Variants in KDM4A observed in about 807,000 individuals in gnomAD.
The protein encoded by KDM4A is lysine-specific demethylase 4A.
A neutral mutation model predicts 127.1 loss-of-function variants in KDM4A; 23 were observed. That is an observed-to-expected ratio of 0.18 (90% CI 0.13 to 0.26). The LOEUF (loss-of-function observed/expected upper bound fraction) is 0.26. Ranked by LOEUF, KDM4A falls within the 10% of genes least tolerant of loss-of-function variation. KDM4A has a pLI of 1.00. For synonymous variants in KDM4A, 443 were observed against 466.5 expected (o/e 0.95, Z 0.65); for missense variants, 890 against 1,329.1 (o/e 0.67, Z 5.14).
intron 19 of KDM4A, among the ~76,000 whole-genome samples, chr1:43,701,707 T>G (rs1300621952): frequency 1.3e-5 from 2 of 152,048 alleles, no homozygotes; most frequent in Non-Finnish European, 2.9e-5. Flanking sequence ...AGGCTGGTCT[T>G]GAACTCCTGG....
At chr1:43,668,950 C>G in intron 9 of KDM4A, 150 bp from the exon 10 acceptor site, 2 of 705,204 alleles carry the variant, frequency 2.8e-6, no homozygotes, top group Non-Finnish European at 4.8e-6. Context: ...TCCCTTGTCT[C>G]AAGTCACAAA....
At position 43,704,786 on chromosome 1, in the gene KDM4A, C is replaced by T. The variant is rs113906837; in HGVS notation, c.*416C>T. The T allele has an allele frequency of 2.1e-4, 34 of 160,904 alleles. No homozygotes were observed. Among genetic ancestry groups the T allele is most frequent in the South Asian group, 3.2e-4 (2 of 6,238 alleles). 10.0% of individuals were successfully genotyped at this position (160,904 alleles called of 1,614,324 possible). On this transcript the variant is annotated 3_prime_UTR_variant, in exon 22 of 22. Transcript: ENST00000372396. Reference sequence around the variant, plus strand: ...GTATTTATATGTGTGTGTGTGTGTGCGTGCGTGCGTGCGTGCGTGTATGTT... The same window carrying T: ...GTATTTATATGTGTGTGTGTGTGTGTGTGCGTGCGTGCGTGCGTGTATGTT...
chr1:43,689,006 A>G lies in KDM4A; in HGVS notation c.1948A>G (p.Asn650Asp). ...CCAACTGTGGCAGAACCGACCTCCA[A>G]ACTTTGAGGCTGAGAAGGAATTCAA... ...LSQLWQNRPP[N>D]FEAEKEFNET... The change falls in exon 13 of 22, where the codon AAC becomes GAC. Residue 650 changes from asparagine to aspartate, a missense_variant. Asn to Asp is a conservative substitution (Grantham distance 23, BLOSUM62 1). Coordinates refer to ENST00000372396, the MANE Select transcript of KDM4A (RefSeq NM_014663.3). 1 of 1,614,216 alleles carries G rather than the reference A, an allele frequency of 6.2e-7. No individual in the cohort carries two copies. The highest frequency in any genetic ancestry group is 2.2e-5 in the East Asian group (1 of 44,884).
intron 19 of KDM4A, among the ~76,000 whole-genome samples, chr1:43,699,582 T>C (rs1661332368): frequency 6.6e-6 from 1 of 152,230 alleles, no homozygotes; most frequent in South Asian, 2.1e-4. Flanking sequence ...TTCTCTGGGT[T>C]ACATCTAAAC....
chr1:43,687,357 T>C (rs1661011048), intron 12 of KDM4A, among the ~76,000 whole-genome samples: 1 of 152,214 alleles, frequency 6.6e-6, no homozygotes, highest in Non-Finnish European at 1.5e-5. Flanking sequence ...TTTCCTTGGC[T>C]GCTTGGAACA....
In KDM4A at chr1:43,654,731, GTGTGTGTGT is replaced by G. The variant is rs1469798411; in HGVS notation, c.139-856_139-848del. ...TGTGTGTGTGTGTGTGTGTGTGTGT[GTGTGTGTGT>G]TGTTTTCTCCCTTGTTACATAAAGT... On this transcript the variant is annotated intron_variant, in intron 2 of 21. Transcript: ENST00000372396. 8.5e-4 allele frequency among the ~76,000 whole-genome samples: 64 copies of G among 74,866 alleles called. 1 individual carries two copies. Among genetic ancestry groups the G allele is most frequent in the Non-Finnish European group, 1.9e-3 (53 of 27,440 alleles). The allele number at this position is 74,866 out of a possible 152,430, so 49.1% of individuals were successfully genotyped here. A position where few individuals can be genotyped will look rare whatever the true frequency, so the allele number is the denominator to read the frequency against.
Position 43,694,185 on chromosome 1 carries a change from T to G in KDM4A, c.2484+83T>G. ...AACAGGGACCTCCTGTACCCCTTGG[T>G]TTTGGTTAGAGTTTGTGATTCTCAC... On this transcript the variant is annotated intron_variant, in intron 17 of 21. Coordinates refer to ENST00000372396, the MANE Select transcript of KDM4A (RefSeq NM_014663.3). This position sits in a 1 kb window ranked among gnomAD's most constrained non-coding sequence, Gnocchi z 5.2. 9.0e-7 allele frequency: 1 copy of G among 1,115,288 alleles called. No homozygotes were observed. Among genetic ancestry groups the G allele is most frequent in the Non-Finnish European group, 1.3e-6 (1 of 760,732 alleles). 69.1% of individuals were successfully genotyped at this position (1,115,288 alleles called of 1,614,324 possible).
At chr1:43,651,954 A>C (rs114184703) in intron 1 of KDM4A, among the ~76,000 whole-genome samples, 303 of 152,338 alleles carry the variant, frequency 2.0e-3, no homozygotes, top group Non-Finnish European at 3.8e-3. Flanking sequence ...TACTGCTGAA[A>C]CTGCATCTTA....
At chr1:43,692,585 G>A (rs1323545502) in intron 16 of KDM4A, among the ~76,000 whole-genome samples, 1 of 152,216 alleles carries the variant, frequency 6.6e-6, no homozygotes, top group East Asian at 1.9e-4. Flanking sequence ...ATGAGAATAT[G>A]AAGACGAAGA....
intron 3 of KDM4A, among the ~76,000 whole-genome samples, chr1:43,657,495 C>G (rs1017821473): frequency 6.6e-6 from 1 of 152,136 alleles, no homozygotes; most frequent in African/African-American, 2.4e-5. Context: ...GCCACCGTGC[C>G]CGGCCAACCT....
intron 11 of KDM4A, among the ~76,000 whole-genome samples, chr1:43,676,277 G>A (rs1660739545): frequency 6.6e-6 from 1 of 152,032 alleles, no homozygotes; most frequent in East Asian, 1.9e-4. Context: ...GTGACAGAAT[G>A]ACACAGTATC....
chr1:43,658,070 A>AC (rs1266627155), intron 3 of KDM4A, among the ~76,000 whole-genome samples: 1 of 126,832 alleles, frequency 7.9e-6, no homozygotes, highest in Non-Finnish European at 1.7e-5. Context: ...TAAAAACATA[A>AC]CTTTTTTTTT....
Position 43,704,419 on chromosome 1 carries a change from T to G in KDM4A, c.*49T>G, listed in dbSNP as rs1185115576. On this transcript the variant is annotated 3_prime_UTR_variant, in exon 22 of 22. Transcript: ENST00000372396. Reference sequence around the variant, plus strand: ...CTCAGCCATCCAGGCAAGAGCACTCTGGGTTCCACAGCACAGCAGACATGG... The same window carrying G: ...CTCAGCCATCCAGGCAAGAGCACTCGGGGTTCCACAGCACAGCAGACATGG... 2.5e-6 allele frequency: 4 copies of G among 1,573,226 alleles called. No homozygotes were observed. The highest frequency in any genetic ancestry group is 3.5e-6 in the Non-Finnish European group (4 of 1,157,072).
rs1021230920 is a variant in KDM4A, at chr1:43,694,485, C to T, written c.2485-224C>T. Among the ~76,000 whole-genome samples the T allele has an allele frequency of 2.0e-5, 3 of 149,416 alleles. No homozygotes were observed. The highest frequency in any genetic ancestry group is 7.5e-5 in the African/African-American group (3 of 40,228). ...GAGCCGATATTGTGTCACTGCACTC[C>T]AGCCTGGGTGACAGAGCAAGACTCC... On this transcript the variant is annotated intron_variant, in intron 17 of 21. Coordinates refer to ENST00000372396, the MANE Select transcript of KDM4A (RefSeq NM_014663.3). The surrounding 1 kb of genome is among the most constrained non-coding windows in gnomAD (Gnocchi z 5.2).
At chr1:43,690,130 G>A (rs1430787315) in intron 13 of KDM4A, among the ~76,000 whole-genome samples, 1 of 152,224 alleles carries the variant, frequency 6.6e-6, no homozygotes, top group Non-Finnish European at 1.5e-5. Context: ...GGGACCCTGA[G>A]CCAGGAATCA....
Position 43,688,967 on chromosome 1 carries a change from G to T in KDM4A, c.1909G>T (p.Ala637Ser). Residue 637 changes from alanine (A) to serine (S), a missense_variant, in exon 13 of 22, where the codon GCC becomes TCC. Ala to Ser is a moderately conservative substitution (Grantham distance 99). This residue lies in a region of KDM4A where 389 missense variants were observed against 485.9 expected (regional missense o/e 0.80). Transcript: ENST00000372396. The surrounding 1 kb of genome is among the most constrained non-coding windows in gnomAD (Gnocchi z 4.4). ...AGAGGCTGAGGAGACAGAGGCCTGGGCCAAGCCTCTGAGCCAACTGTGGCA... is the reference window on the plus strand; with the variant it reads ...AGAGGCTGAGGAGACAGAGGCCTGGTCCAAGCCTCTGAGCCAACTGTGGCA... ...EEEAEETEAW[A>S]KPLSQLWQNR... The T allele has an allele frequency of 6.2e-7, 1 of 1,614,166 alleles. No homozygotes were observed. Among genetic ancestry groups the T allele is most frequent in the East Asian group, 2.2e-5 (1 of 44,876 alleles).
intron 12 of KDM4A, among the ~76,000 whole-genome samples, chr1:43,685,534 C>T (rs1263573421): frequency 6.6e-6 from 1 of 151,742 alleles, no homozygotes; most frequent in Admixed American, 6.6e-5. Flanking sequence ...TTTGGGAGGC[C>T]GAGGCGGGTG....
At chr1:43,667,547 A>G (rs1660526817) in intron 8 of KDM4A, among the ~76,000 whole-genome samples, 1 of 152,186 alleles carries the variant, frequency 6.6e-6, no homozygotes, top group Admixed American at 6.5e-5. Context: ...GTTAGTGCCC[A>G]GGTAGATTTG....
chr1:43,703,547 G>C (rs1185806082), intron 19 of KDM4A, 70 bp from the exon 20 acceptor site: 6 of 1,588,040 alleles, frequency 3.8e-6, no homozygotes, highest in Non-Finnish European at 5.2e-6. Context: ...ACTCTTCCCT[G>C]AGTAGAGGAC....
Sources: allele counts gnomAD v4.1 joint callset (sites outside exome capture counted in the v4.1 genomes callset), GRCh38; gene constraint gnomAD v4.1.1; regional missense constraint gnomAD v4.1.1; non-coding constraint Gnocchi (gnomAD v3.1); transcripts MANE v1.5; gene names NCBI Gene and HGNC (gene_info 2026-07-23, HGNC 2026-07-21).